The following NEDD4L variants were observed in gnomAD, a reference collection of about 807,000 sequenced individuals.
NEDD4L encodes the protein NEDD4 like E3 ubiquitin protein ligase, also known as E3 ubiquitin-protein ligase NEDD4-like.
A neutral mutation model predicts 148.9 loss-of-function variants in NEDD4L; 54 were observed. That is an observed-to-expected ratio of 0.36 (90% CI 0.29 to 0.45). NEDD4L has a LOEUF of 0.45. Among genes scored for constraint, NEDD4L ranks in the 20% least tolerant of loss-of-function variants. The probability of loss-of-function intolerance (pLI) is 1.00; values close to 1 mark genes in which losing one functional copy is unlikely to be tolerated. For synonymous variants in NEDD4L, 433 were observed against 440.7 expected (o/e 0.98, Z 0.22); for missense variants, 856 against 1,233.8 (o/e 0.69, Z 4.59).
chr18:58,237,422 G>C (rs190272105), intron 2 of NEDD4L, among the ~76,000 whole-genome samples: 22 of 152,238 alleles, frequency 1.4e-4, no homozygotes, highest in Admixed American at 2.6e-4. Context: ...CTTAACCTCT[G>C]GTAGTTGCAC....
chr18:58,091,632 G>A (rs1701867583), intron 1 of NEDD4L: 1 of 152,218 alleles, frequency 6.6e-6, no homozygotes, highest in African/African-American at 2.4e-5. Flanking sequence ...GCGTAAGTAA[G>A]TATTTGCTTT....
intron 1 of NEDD4L, among the ~76,000 whole-genome samples, chr18:58,117,343 T>A (rs990820751): frequency 2.6e-5 from 4 of 152,240 alleles, no homozygotes; most frequent in Non-Finnish European, 5.9e-5. Context: ...TTTTATCATA[T>A]TCGAATTTGA....
At chr18:58,203,872 G>C (rs113749454) in intron 2 of NEDD4L, among the ~76,000 whole-genome samples, 1 of 152,120 alleles carries the variant, frequency 6.6e-6, no homozygotes, top group African/African-American at 2.4e-5. Flanking sequence ...GGCATAATTA[G>C]AGAAAGTTTT....
chr18:58,078,142 C>T (rs2083264871), intron 1 of NEDD4L, among the ~76,000 whole-genome samples: 1 of 149,284 alleles, frequency 6.7e-6, no homozygotes, highest in Non-Finnish European at 1.5e-5. Flanking sequence ...CCAAATGAGA[C>T]CTTTAGAGAC....
In NEDD4L at chr18:58,151,379, G is replaced by A. The variant is rs553228453; in HGVS notation, c.49-14409G>A. Reference sequence around the variant, plus strand: ...TCCATTTTCCTTTTTTCACTGTTGCGTGTTAGCACATCATTACTCTTATCT... The same window carrying A: ...TCCATTTTCCTTTTTTCACTGTTGCATGTTAGCACATCATTACTCTTATCT... On this transcript the variant is annotated intron_variant, in intron 1 of 30. Coordinates refer to ENST00000400345, the MANE Select transcript of NEDD4L (RefSeq NM_001144967.3). Among the ~76,000 whole-genome samples the A allele has an allele frequency of 2.2e-3, 340 of 152,100 alleles. 1 individual carries two copies. The highest frequency in any genetic ancestry group is 7.4e-3 in the African/African-American group (305 of 41,486).
intron 5 of NEDD4L, among the ~76,000 whole-genome samples, chr18:58,260,854 T>A (rs2049275148): frequency 6.6e-6 from 1 of 152,222 alleles, no homozygotes; most frequent in African/African-American, 2.4e-5. Context: ...AGCCGTCCTC[T>A]GCAGTTCACT....
At chr18:58,317,248 A>C (rs4940663) in intron 6 of NEDD4L, among the ~76,000 whole-genome samples, 142,657 of 152,338 alleles carry the variant, frequency 0.94, 66,893 homozygotes, top group African/African-American at 0.98. Context: ...CTGCGTGAGA[A>C]CTACTCCATG....
At chr18:58,384,098 C>T (rs756360245) in intron 25 of NEDD4L, among the ~76,000 whole-genome samples, 5 of 152,142 alleles carry the variant, frequency 3.3e-5, no homozygotes, top group Non-Finnish European at 1.5e-5. Context: ...TTCAGTGCTT[C>T]GTTTCAACAG....
chr18:58,182,432 T>G (rs560562555), intron 2 of NEDD4L, among the ~76,000 whole-genome samples: 1 of 152,092 alleles, frequency 6.6e-6, no homozygotes, highest in South Asian at 2.1e-4. Flanking sequence ...TTCTTTGCAG[T>G]TGCAGACATT....
At chr18:58,335,883 A>G (rs547878346) in intron 13 of NEDD4L, 2 of 238,930 alleles carry the variant, frequency 8.4e-6, no homozygotes, top group African/African-American at 4.6e-5. Flanking sequence ...ATTTGGTTGG[A>G]AGATCATCAA....
intron 1 of NEDD4L, among the ~76,000 whole-genome samples, chr18:58,070,800 A>G (rs1290861283): frequency 1.3e-5 from 2 of 148,180 alleles, no homozygotes; most frequent in African/African-American, 5.0e-5. Context: ...TTACTAGCGA[A>G]CCACTAAACT....
chr18:58,056,479 G>A (rs1490349859), intron 1 of NEDD4L, among the ~76,000 whole-genome samples: 5 of 152,210 alleles, frequency 3.3e-5, no homozygotes, highest in Admixed American at 6.5e-5. Context: ...ATGTCTTCAG[G>A]AACCAGGTTC....
At chr18:58,184,192 G>A (rs920676322) in intron 2 of NEDD4L, among the ~76,000 whole-genome samples, 8 of 152,138 alleles carry the variant, frequency 5.3e-5, no homozygotes, top group Non-Finnish European at 1.0e-4. Context: ...TTGGTAGGAG[G>A]GAATGAGGGT....
At chr18:58,154,293 G>T (rs867082613) in intron 1 of NEDD4L, among the ~76,000 whole-genome samples, 1 of 152,142 alleles carries the variant, frequency 6.6e-6, no homozygotes, top group African/African-American at 2.4e-5. Context: ...CCTCTTTGGG[G>T]TAAAATTCGA....
chr18:58,163,800 G>T (rs373860401), intron 1 of NEDD4L, among the ~76,000 whole-genome samples: 1 of 152,202 alleles, frequency 6.6e-6, no homozygotes, highest in African/African-American at 2.4e-5. Flanking sequence ...TCTCAAGGAT[G>T]TGTGTCCATT....
intron 2 of NEDD4L, among the ~76,000 whole-genome samples, chr18:58,184,876 C>T (rs111336802): frequency 0.23 from 34,873 of 151,324 alleles, 6,083 homozygotes; most frequent in African/African-American, 0.49. Flanking sequence ...TGCAGGGAGC[C>T]GAGATGGCAC....
intron 1 of NEDD4L, among the ~76,000 whole-genome samples, chr18:58,130,528 G>A (rs1212401104): frequency 1.5e-5 from 2 of 130,602 alleles, no homozygotes; most frequent in Non-Finnish European, 3.3e-5. Context: ...AACTGTGGCG[G>A]TGTTGGGCTC....
chr18:58,350,605 C>A (rs977841384), intron 17 of NEDD4L, among the ~76,000 whole-genome samples: 1 of 152,200 alleles, frequency 6.6e-6, no homozygotes, highest in African/African-American at 2.4e-5. Context: ...AACACAAATA[C>A]AGTTAACCAT....
intron 2 of NEDD4L, among the ~76,000 whole-genome samples, chr18:58,172,932 G>A (rs1289082582): frequency 1.3e-5 from 2 of 151,976 alleles, no homozygotes; most frequent in Non-Finnish European, 2.9e-5. Context: ...TTTTTTGAGG[G>A]GTACCTTTTT....
Sources: allele counts gnomAD v4.1 joint callset (sites outside exome capture counted in the v4.1 genomes callset), GRCh38; gene constraint gnomAD v4.1.1; transcripts MANE v1.5; gene names NCBI Gene and HGNC (gene_info 2026-07-23, HGNC 2026-07-21).